Variants in RBMS3 observed in about 807,000 individuals in gnomAD.
RBMS3 encodes RNA-binding motif, single-stranded-interacting protein 3.
A neutral mutation model predicts 66.8 loss-of-function variants in RBMS3; 27 were observed. That is an observed-to-expected ratio of 0.40 (90% confidence interval 0.30 to 0.56). The LOEUF (loss-of-function observed/expected upper bound fraction) is 0.56. RBMS3 is among the 20% of genes least tolerant of loss of function. RBMS3 has a pLI of 0.40. For missense variants in RBMS3, 513 were observed against 549.5 expected (o/e 0.93, Z 0.66); for synonymous variants, 188 against 183.0 (o/e 1.03, Z -0.22).
intron 2 of RBMS3, among the ~76,000 whole-genome samples, chr3:29,437,443 T>A (rs1257564346): frequency 6.6e-6 from 1 of 152,248 alleles, no homozygotes; most frequent in African/African-American, 2.4e-5. Flanking sequence ...TTGTTAATGT[T>A]TTTTATGTGC....
At chr3:29,581,187 T>A (rs2149084031) in intron 3 of RBMS3, among the ~76,000 whole-genome samples, 1 of 152,282 alleles carries the variant, frequency 6.6e-6, no homozygotes, top group East Asian at 1.9e-4. Flanking sequence ...ACTATAATGA[T>A]CACTCACAGT....
At chr3:29,661,756 T>A (rs1559546602) in intron 4 of RBMS3, among the ~76,000 whole-genome samples, 1 of 152,230 alleles carries the variant, frequency 6.6e-6, no homozygotes, top group Non-Finnish European at 1.5e-5. Context: ...TGGTACATGA[T>A]GTACGTGATG....
At chr3:29,841,870 T>C (rs796727435) in intron 6 of RBMS3, among the ~76,000 whole-genome samples, 2 of 152,060 alleles carry the variant, frequency 1.3e-5, no homozygotes, top group South Asian at 4.1e-4. Flanking sequence ...GTGTTTCCAT[T>C]TTCTTGTTAG....
At chr3:29,895,347 A>G (rs960709132) in intron 8 of RBMS3, among the ~76,000 whole-genome samples, 2 of 151,498 alleles carry the variant, frequency 1.3e-5, no homozygotes, top group Non-Finnish European at 3.0e-5. Context: ...TGACAAACAC[A>G]TACAATCATG....
chr3:29,728,425 T>C (rs1347681266), intron 4 of RBMS3, among the ~76,000 whole-genome samples: 1 of 152,194 alleles, frequency 6.6e-6, no homozygotes, highest in African/African-American at 2.4e-5. Flanking sequence ...GCAATCGTGA[T>C]GAAAGACATT....
chr3:29,691,487 C>T (rs2052006043), intron 4 of RBMS3, among the ~76,000 whole-genome samples: 1 of 152,152 alleles, frequency 6.6e-6, no homozygotes, highest in Admixed American at 6.5e-5. Flanking sequence ...TCGTGGGTTT[C>T]TGTCAACATC....
chr3:29,955,104 A>T (rs1695941318), intron 12 of RBMS3, among the ~76,000 whole-genome samples: 1 of 152,034 alleles, frequency 6.6e-6, no homozygotes, highest in Non-Finnish European at 1.5e-5. Flanking sequence ...ACAAGGAGGC[A>T]GGTATAACAA....
At chr3:29,365,653 T>C (rs568778420) in intron 1 of RBMS3, among the ~76,000 whole-genome samples, 1 of 152,296 alleles carries the variant, frequency 6.6e-6, no homozygotes, top group African/African-American at 2.4e-5. Context: ...GGTATCTCTG[T>C]TAGTCCTTAA....
chr3:29,327,473 C>G (rs998838903), intron 1 of RBMS3, among the ~76,000 whole-genome samples: 2 of 152,186 alleles, frequency 1.3e-5, no homozygotes, highest in Non-Finnish European at 2.9e-5. Context: ...ACAGTTTTCT[C>G]TTCCTACTTC....
chr3:29,779,672 T>G (rs1333182801), intron 6 of RBMS3, among the ~76,000 whole-genome samples: 1 of 130,712 alleles, frequency 7.7e-6, no homozygotes, highest in East Asian at 2.0e-4. Context: ...TCTACTGGGA[T>G]AAAAATAATC....
intron 4 of RBMS3, among the ~76,000 whole-genome samples, chr3:29,704,948 T>A (rs1333351766): frequency 6.6e-6 from 1 of 152,244 alleles, no homozygotes; most frequent in African/African-American, 2.4e-5. Context: ...AAATTCATAA[T>A]GTTGTCAAGA....
chr3:29,572,175 A>G (rs1327822395), intron 3 of RBMS3, among the ~76,000 whole-genome samples: 2 of 152,026 alleles, frequency 1.3e-5, no homozygotes, highest in African/African-American at 4.8e-5. Flanking sequence ...TATTTTTGGT[A>G]GAGTCTTTTA....
At chr3:29,287,898 G>T (rs570458028) in intron 1 of RBMS3, among the ~76,000 whole-genome samples, 1 of 151,894 alleles carries the variant, frequency 6.6e-6, no homozygotes, top group East Asian at 1.9e-4. Flanking sequence ...GTTAAATTTT[G>T]CTTGGTTTTG....
intron 2 of RBMS3, among the ~76,000 whole-genome samples, chr3:29,487,420 G>C (rs1159976183): frequency 6.6e-6 from 1 of 152,130 alleles, no homozygotes; most frequent in Non-Finnish European, 1.5e-5. Flanking sequence ...GATGTAAACT[G>C]TAAATGTAAT....
intron 4 of RBMS3, among the ~76,000 whole-genome samples, chr3:29,719,787 C>G (rs1179268697): frequency 6.6e-6 from 1 of 152,148 alleles, no homozygotes; most frequent in African/African-American, 2.4e-5. Flanking sequence ...TAGAATTTAC[C>G]TGCAAAACAG....
At chr3:29,706,063 T>A (rs6795306) in intron 4 of RBMS3, among the ~76,000 whole-genome samples, 13,147 of 152,168 alleles carry the variant, frequency 0.086, 1,898 homozygotes, top group African/African-American at 0.3. Context: ...CAAGGACATG[T>A]TGTCACCTGC....
chr3:29,477,179 G>A (rs754930176), intron 2 of RBMS3, among the ~76,000 whole-genome samples: 3 of 151,918 alleles, frequency 2.0e-5, no homozygotes, highest in Non-Finnish European at 4.4e-5. Context: ...GTTTTCGTTT[G>A]ACCCTTGAGT....
intron 4 of RBMS3, among the ~76,000 whole-genome samples, chr3:29,708,814 T>A (rs1326881024): frequency 2.6e-5 from 4 of 152,158 alleles, no homozygotes; most frequent in African/African-American, 9.7e-5. Context: ...TGACATGCCA[T>A]CCACACATCC....
At chr3:29,303,962 C>G (rs1575503690) in intron 1 of RBMS3, among the ~76,000 whole-genome samples, 1 of 151,916 alleles carries the variant, frequency 6.6e-6, no homozygotes, top group Admixed American at 6.6e-5. Flanking sequence ...AAACCATCAG[C>G]TCTCATGAGA....
Sources: allele counts gnomAD v4.1 joint callset (sites outside exome capture counted in the v4.1 genomes callset), GRCh38; gene constraint gnomAD v4.1.1; transcripts MANE v1.5; gene names NCBI Gene and HGNC (gene_info 2026-07-23, HGNC 2026-07-21).